Variants in FCN2 observed in about 807,000 individuals in gnomAD.
FCN2 encodes the protein ficolin 2.
FCN2 carries 31 observed loss-of-function variants against 32.5 expected under a neutral mutation model. The ratio of observed to expected loss-of-function variants is 0.96; its 90% confidence interval spans 0.72 to 1.29. The LOEUF is 1.29. Among genes scored for constraint, FCN2 ranks in the 50% most tolerant of loss-of-function variants. The probability of loss-of-function intolerance (pLI) is 0.00; values close to 1 mark genes in which losing one functional copy is unlikely to be tolerated. For missense variants in FCN2, 412 were observed against 406.5 expected, an observed-to-expected ratio of 1.01 and a Z score of -0.12; for synonymous variants, 181 against 164.5, an observed-to-expected ratio of 1.10 and a Z score of -0.77.
intron 1 of FCN2, among the ~76,000 whole-genome samples, chr9:134,881,152 G>GA (rs1444023611): frequency 3.9e-5 from 6 of 152,164 alleles, no homozygotes; most frequent in African/African-American, 1.4e-4. Context: ...AATGGAAACC[G>GA]AGGCAGGTTT....
intron 1 of FCN2, 27 bp from the exon 2 acceptor site, chr9:134,882,499 T>C (rs763114441): frequency 6.4e-7 from 1 of 1,570,650 alleles, no homozygotes; most frequent in South Asian, 1.1e-5. Context: ...CAGGTGACAC[T>C]GAGTGGCCAC....
At chr9:134,866,453 T>A in the FCN2 span, among the ~76,000 whole-genome samples, 1 of 149,764 alleles carries the variant, frequency 6.7e-6, no homozygotes, top group African/African-American at 2.5e-5. Flanking sequence ...AAGCTGAAAC[T>A]GGAACCCTTC....
At chr9:134,880,651 C>T (rs3811139), upstream of FCN2, among the ~76,000 whole-genome samples, 357 of 152,232 alleles carry the variant, frequency 2.3e-3, 5 homozygotes, top group East Asian at 0.06. Flanking sequence ...CCCCAAGGGG[C>T]GGGGGGTAGG....
chr9:134,882,759 C>T (rs962159389), intron 2 of FCN2, 120 bp downstream of exon 2: 4 of 689,740 alleles, frequency 5.8e-6, no homozygotes, highest in African/African-American at 3.6e-5. Flanking sequence ...CTGCAAGAGC[C>T]AGGAAAAGAA....
chr9:134,867,134 T>C, the FCN2 span, among the ~76,000 whole-genome samples: 1 of 126,492 alleles, frequency 7.9e-6, no homozygotes, highest in Admixed American at 8.1e-5. Context: ...GCCATCCCAT[T>C]ACTGGGTATA....
At chr9:134,874,075 C>A in the FCN2 span, among the ~76,000 whole-genome samples, 1 of 151,856 alleles carries the variant, frequency 6.6e-6, no homozygotes, top group East Asian at 1.9e-4. Flanking sequence ...CCACCACACG[C>A]GGCTAATTTT....
chr9:134,870,595 G>A, the FCN2 span, among the ~76,000 whole-genome samples: 2 of 152,234 alleles, frequency 1.3e-5, no homozygotes, highest in Non-Finnish European at 2.9e-5. This position sits in a 1 kb window ranked among gnomAD's most constrained non-coding sequence, Gnocchi z 4.3. Flanking sequence ...AAGCAGCCAC[G>A]GTGAGCAAAG....
Position 134,883,350 on chromosome 9 carries a change from C to T in FCN2, c.263C>T (p.Pro88Leu). 1 of 1,613,536 alleles carries T rather than the reference C, an allele frequency of 6.2e-7. No individual in the cohort carries two copies. ...GPPGKAGPPG[P>L]NGAPGEPQPC... ...CCTGGGAAGGCAGGACCACCTGGGC[C>T]CAACGGTAAGGAGGGGACAAGAGTG... is the stretch of plus-strand genomic sequence containing the variant. The change falls in exon 3 of 8, where the codon CCC (proline) becomes CTC (leucine). Residue 88 changes from proline to leucine, a missense_variant. Transcript: ENST00000291744.
chr9:134,874,081 A>T, the FCN2 span, among the ~76,000 whole-genome samples: 1 of 151,798 alleles, frequency 6.6e-6, no homozygotes, highest in Non-Finnish European at 1.5e-5. Flanking sequence ...CACGCGGCTA[A>T]TTTTTTGTAT....
rs1564208257 is a variant in FCN2 at position 134,885,779 on chromosome 9, G to T, written c.441G>T (p.Arg147=). ...TDGGGWTVFQ[R]RVDGSVDFYR... is the part of the protein sequence containing the mutation. ...TGGCTTCTCCACAGGTTTTCCAGCG[G>T]AGGGTGGATGGCTCTGTGGACTTCT... Residue 147 remains arginine, a synonymous_variant, in exon 6 of 8, where the codon CGG becomes CGT. Transcript: ENST00000291744. 2 of 1,614,076 alleles carry T rather than the reference G, an allele frequency of 1.2e-6. No individual in the cohort carries two copies. The highest frequency in any genetic ancestry group is 4.5e-5 in the East Asian group (2 of 44,840).
the FCN2 span, among the ~76,000 whole-genome samples, chr9:134,873,927 T>TGATATAGGA: frequency 7.3e-6 from 1 of 136,884 alleles, no homozygotes; most frequent in Non-Finnish European, 1.6e-5. Context: ...TTTTTGTTTT[T>TGATATAGGA]TGATATAGGA....
At chr9:134,871,068 ATGCC>A in the FCN2 span, among the ~76,000 whole-genome samples, 1 of 152,206 alleles carries the variant, frequency 6.6e-6, no homozygotes, top group South Asian at 2.1e-4. Context: ...GTTTTCTAAT[ATGCC>A]TTGTACTTAT....
chr9:134,872,952 T>C, the FCN2 span, among the ~76,000 whole-genome samples: 1 of 152,200 alleles, frequency 6.6e-6, no homozygotes, highest in Non-Finnish European at 1.5e-5. Context: ...CCGTCAGTCC[T>C]CTTAGGTTGA....
upstream of FCN2, among the ~76,000 whole-genome samples, chr9:134,878,173 G>A (rs1830619577): frequency 6.6e-6 from 1 of 152,116 alleles, no homozygotes; most frequent in South Asian, 2.1e-4. Context: ...ACAGCCTATT[G>A]TGATCCTGTA....
chr9:134,871,047 A>G, the FCN2 span, among the ~76,000 whole-genome samples: 1 of 152,214 alleles, frequency 6.6e-6, no homozygotes, highest in African/African-American at 2.4e-5. Context: ...TCCTTGCCCA[A>G]AGTGTCTTTT....
the FCN2 span, among the ~76,000 whole-genome samples, chr9:134,870,529 G>A: frequency 6.6e-6 from 1 of 152,142 alleles, no homozygotes; most frequent in Non-Finnish European, 1.5e-5. The surrounding 1 kb of genome is among the most constrained non-coding windows in gnomAD (Gnocchi z 4.3). Flanking sequence ...CCGTGCCTGA[G>A]TGGCAGCAAT....
chr9:134,880,550 G>A (rs1042321758), upstream of FCN2, among the ~76,000 whole-genome samples: 1 of 152,184 alleles, frequency 6.6e-6, no homozygotes, highest in African/African-American at 2.4e-5. Context: ...TGGGAGGATG[G>A]GCCTGGGCTC....
the FCN2 span, among the ~76,000 whole-genome samples, chr9:134,872,615 C>T: frequency 2.6e-5 from 4 of 152,144 alleles, no homozygotes; most frequent in South Asian, 2.1e-4. Flanking sequence ...AGTCACGTCT[C>T]GCCGGGCAGC....
the FCN2 span, among the ~76,000 whole-genome samples, chr9:134,867,267 T>C: frequency 2.0e-5 from 3 of 146,826 alleles, no homozygotes; most frequent in Non-Finnish European, 4.5e-5. Context: ...TAGACTGGAT[T>C]AAGAAAATGT....
Sources: allele counts gnomAD v4.1 joint callset (sites outside exome capture counted in the v4.1 genomes callset), GRCh38; gene constraint gnomAD v4.1.1; non-coding constraint Gnocchi (gnomAD v3.1); transcripts MANE v1.5; gene names NCBI Gene and HGNC (gene_info 2026-07-23, HGNC 2026-07-21).